NUP214: variants seen among roughly 807,000 people sequenced by gnomAD.
NUP214 encodes nucleoporin 214, also known as nuclear pore complex protein Nup214.
Under a neutral mutation model 196.2 loss-of-function variants are expected in NUP214, and 79 were observed. That is an observed-to-expected ratio of 0.40 (90% CI 0.34 to 0.49). The LOEUF is 0.49. NUP214 is among the 20% of genes least tolerant of loss of function. NUP214 has a pLI of 0.58. For missense variants in NUP214, 2,468 were observed against 2,539.0 expected (o/e 0.97, Z 0.60); for synonymous variants, 1,020 against 990.5 (o/e 1.03, Z -0.56).
rs770402088 is a variant in NUP214, at chr9:131,198,401, G to T, written c.4907G>T (p.Gly1636Val). Residue 1636 changes from glycine (G) to valine (V), a missense_variant, in exon 29 of 36, where the codon GGT (glycine) becomes GTT (valine). Gly to Val is a moderately radical substitution (Grantham distance 109, BLOSUM62 -3). Coordinates refer to ENST00000359428, the MANE Select transcript of NUP214 (RefSeq NM_005085.4). Reference sequence around the variant, plus strand: ...CCATCTGCAGAGGCAGCAGCATTTGGTACCGTCACTTCTGGCTCATCCGTC... The same window carrying T: ...CCATCTGCAGAGGCAGCAGCATTTGTTACCGTCACTTCTGGCTCATCCGTC... ...PGPSAEAAAF[G>V]TVTSGSSVFA... 4 of 1,614,118 alleles carry T rather than the reference G, an allele frequency of 2.5e-6. No homozygotes were observed. Among genetic ancestry groups the T allele is most frequent in the African/African-American group, 2.7e-5 (2 of 74,938 alleles).
intron 18 of NUP214, among the ~76,000 whole-genome samples, chr9:131,162,335 A>G (rs1308697489): frequency 1.3e-5 from 2 of 152,222 alleles, no homozygotes; most frequent in African/African-American, 4.8e-5. Context: ...ATGTTTTTAT[A>G]TGTATGATTT....
At position 131,197,404 on chromosome 9, in the gene NUP214, T is replaced by C. The variant is rs1350746580; in HGVS notation, c.3910T>C (p.Ser1304Pro). Residue 1304 changes from serine (S) to proline (P), a missense_variant, in exon 29 of 36, where the codon TCC becomes CCC. By Grantham distance (74) the Ser-to-Pro change is moderately conservative. Coordinates refer to ENST00000359428, the MANE Select transcript of NUP214 (RefSeq NM_005085.4). ...TGTGGCACCTTCTGGAACTGCTCTT[T>C]CCACCACCTCTAGTAAGCTGGAAAC... Reference protein sequence around the residue: ...RPVAPSGTALSTTSSKLETPP... With the variant: ...RPVAPSGTALPTTSSKLETPP... The C allele has an allele frequency of 5.6e-6, 9 of 1,614,154 alleles. No individual in the cohort carries two copies. The highest frequency in any genetic ancestry group is 7.6e-6 in the Non-Finnish European group (9 of 1,180,014).
At chr9:131,180,771 C>A (rs1588150122) in intron 24 of NUP214, among the ~76,000 whole-genome samples, 1 of 152,148 alleles carries the variant, frequency 6.6e-6, no homozygotes, top group African/African-American at 2.4e-5. Flanking sequence ...ATAAGACAAA[C>A]CAAACAAGAA....
intron 17 of NUP214, 99 bp downstream of exon 17, chr9:131,151,993 T>G (rs550732838): frequency 9.9e-6 from 9 of 908,174 alleles, no homozygotes; most frequent in Non-Finnish European, 1.4e-5. Flanking sequence ...TGGCTCTTTT[T>G]GAAGTTGTTG....
chr9:131,227,585 G>A (rs564128401), intron 32 of NUP214, among the ~76,000 whole-genome samples: 2 of 152,240 alleles, frequency 1.3e-5, no homozygotes, highest in Non-Finnish European at 2.9e-5. Context: ...CTGGCTGGGC[G>A]CCAGCATACA....
chr9:131,126,060 G>A (rs906205288), intron 1 of NUP214: 5 of 407,254 alleles, frequency 1.2e-5, no homozygotes, highest in Middle Eastern at 6.3e-4. Context: ...TAGTCATCGC[G>A]GCAGCCCTAC....
Position 131,174,047 on chromosome 9 carries a change from T to G in NUP214, c.2894-8T>G, listed in dbSNP as rs957827524. On this transcript the variant is annotated splice_polypyrimidine_tract_variant and splice_region_variant and intron_variant, in intron 21 of 35. Coordinates refer to ENST00000359428, the MANE Select transcript of NUP214 (RefSeq NM_005085.4). ...GTCTAAATTGTGTTTTGTTTGGGGC[T>G]TTTGTAGCCAGCCTGTCTCGATCAG... is the stretch of plus-strand genomic sequence containing the variant. 8 of 1,611,360 alleles carry G rather than the reference T, an allele frequency of 5.0e-6. No homozygotes were observed. The highest frequency in any genetic ancestry group is 3.4e-5 in the Admixed American group (2 of 59,236).
chr9:131,162,560 T>C (rs1832672715), intron 18 of NUP214, among the ~76,000 whole-genome samples: 1 of 152,212 alleles, frequency 6.6e-6, no homozygotes, highest in African/African-American at 2.4e-5. Context: ...TTCTTGACAA[T>C]AGTCTGAAGA....
intron 24 of NUP214, among the ~76,000 whole-genome samples, chr9:131,181,662 A>G (rs1038490480): frequency 6.6e-6 from 1 of 152,134 alleles, no homozygotes; most frequent in African/African-American, 2.4e-5. Flanking sequence ...CCTTTGCTCC[A>G]TTTTAAAATT....
chr9:131,195,258 A>G lies in NUP214; in HGVS notation c.3685A>G (p.Thr1229Ala). 1.2e-6 allele frequency: 2 copies of G among 1,612,922 alleles called. No homozygotes were observed. Among genetic ancestry groups the G allele is most frequent in the Non-Finnish European group, 1.7e-6 (2 of 1,179,418 alleles). ...SGTGFNFGII[T>A]PTPSSNFTAA... ...GACTGGCTTTAATTTTGGGATAATCACACCAACACCGTCTTCTAATTTCAC... is the reference window on the plus strand; with the variant it reads ...GACTGGCTTTAATTTTGGGATAATCGCACCAACACCGTCTTCTAATTTCAC... Residue 1229 changes from threonine (T) to alanine (A), a missense_variant, in exon 28 of 36, where the codon ACA (threonine) becomes GCA (alanine). Transcript: ENST00000359428.
rs184649164 is a variant in NUP214 at position 131,135,584 on chromosome 9, T to C, written c.939-356T>C. Among the ~76,000 whole-genome samples, 16 of 152,346 alleles carry C rather than the reference T, an allele frequency of 1.1e-4. No individual in the cohort carries two copies. The East Asian group carries it at 1.5e-3, about 15-fold the overall frequency. On this transcript the variant is annotated intron_variant, in intron 8 of 35. Coordinates refer to ENST00000359428, the MANE Select transcript of NUP214 (RefSeq NM_005085.4). ...TTCAAGGAATATATTAAAAGTTTCC[T>C]GAGAGCAGAGTTGCCCTTTGGAATG...
intron 29 of NUP214, among the ~76,000 whole-genome samples, chr9:131,200,221 A>G (rs1208653953): frequency 6.6e-6 from 1 of 152,248 alleles, no homozygotes; most frequent in Non-Finnish European, 1.5e-5. Context: ...TGAGCTGTCT[A>G]CTTCAGCCCT....
chr9:131,202,739 G>A (rs1421982095), intron 30 of NUP214, among the ~76,000 whole-genome samples: 1 of 151,898 alleles, frequency 6.6e-6, no homozygotes, highest in African/African-American at 2.4e-5. Flanking sequence ...ACTGTGCCTG[G>A]CCAGTTTTTA....
chr9:131,146,113 G>C lies in NUP214; in HGVS notation c.1770-16G>C. The C allele has an allele frequency of 2.5e-6, 4 of 1,613,808 alleles. No individual in the cohort carries two copies. The highest frequency in any genetic ancestry group is 3.4e-6 in the Non-Finnish European group (4 of 1,179,804). On this transcript the variant is annotated splice_polypyrimidine_tract_variant and intron_variant, in intron 12 of 35. Transcript: ENST00000359428. The surrounding 1 kb of genome is among the most constrained non-coding windows in gnomAD (Gnocchi z 4.6). ...CTAGCAGGCTCTTCTGAGGCCTTCA[G>C]GCTGCCATTTTTCAGGTTTACTGCT...
intron 32 of NUP214, among the ~76,000 whole-genome samples, chr9:131,223,413 C>T (rs1311416894): frequency 6.6e-6 from 1 of 152,162 alleles, no homozygotes; most frequent in Non-Finnish European, 1.5e-5. Flanking sequence ...GATCCGCCCA[C>T]CTCGGCCTCC....
At chr9:131,129,507 A>G (rs544847972) in intron 4 of NUP214, 30 bp downstream of exon 4, 2 of 1,590,334 alleles carry the variant, frequency 1.3e-6, no homozygotes, top group Admixed American at 3.3e-5. Flanking sequence ...ACACTGTAGC[A>G]TACAATCATG....
Position 131,163,115 on chromosome 9 carries a change from A to G in NUP214, c.2665A>G (p.Lys889Glu), listed in dbSNP as rs760244902. 6.2e-7 allele frequency: 1 copy of G among 1,614,202 alleles called. No individual in the cohort carries two copies. Among genetic ancestry groups the G allele is most frequent in the South Asian group, 1.1e-5 (1 of 91,080 alleles). Reference protein sequence around the residue: ...VDSLQQLRLYKQTSLWSLSSA... With the variant: ...VDSLQQLRLYEQTSLWSLSSA... ...TAGTCTTCAGCAGCTCCGCCTTTAC[A>G]AACAGACTTCCCTGTGGAGCCTGTC... is the stretch of plus-strand genomic sequence containing the variant. Residue 889 changes from lysine (K) to glutamate (E), a missense_variant, in exon 19 of 36, where the codon AAA becomes GAA. By Grantham distance (56) the Lys-to-Glu change is moderately conservative. Around this residue, in one of 5 missense-constraint regions of NUP214, gnomAD observed 1,801 missense variants for 1,779.4 expected, o/e 1.01. Coordinates refer to ENST00000359428, the MANE Select transcript of NUP214 (RefSeq NM_005085.4).
intron 22 of NUP214, 62 bp from the exon 23 acceptor site, chr9:131,175,398 T>A: frequency 6.3e-7 from 1 of 1,581,038 alleles, no homozygotes; most frequent in Non-Finnish European, 8.7e-7. Context: ...ATTTACCAAT[T>A]TAACCTTTTG....
intron 24 of NUP214, among the ~76,000 whole-genome samples, chr9:131,179,429 C>T (rs1588149405): frequency 6.6e-6 from 1 of 152,136 alleles, no homozygotes; most frequent in Admixed American, 6.5e-5. Context: ...TGACTGTGAT[C>T]CCTTTAGACC....
Sources: gnomAD v4.1 joint callset for allele counts (sites outside exome capture counted in the v4.1 genomes callset) on GRCh38, gnomAD v4.1.1 for gene constraint, gnomAD v4.1.1 regional missense constraint, Gnocchi (gnomAD v3.1) non-coding constraint, MANE v1.5 for transcripts, NCBI Gene and HGNC (gene_info 2026-07-23, HGNC 2026-07-21) for gene names.